The following TTC3 variants were observed in gnomAD, a reference collection of about 807,000 sequenced individuals.
The protein encoded by TTC3 is tetratricopeptide repeat domain 3.
Under a neutral mutation model 249.6 loss-of-function variants are expected in TTC3, and 180 were observed. That is an observed-to-expected ratio of 0.72 (90% CI 0.64 to 0.82). TTC3 has a LOEUF of 0.82. Among genes scored for constraint, TTC3 ranks in the 40% least tolerant of loss-of-function variants. The pLI is 0.00. For synonymous variants in TTC3, 717 were observed against 805.0 expected (o/e 0.89, Z 1.85); for missense variants, 2,061 against 2,398.4 (o/e 0.86, Z 2.94).
At chr21:37,108,288 G>T in intron 10 of TTC3, 104 bp from the exon 11 acceptor site, 1 of 802,850 alleles carries the variant, frequency 1.2e-6, no homozygotes, top group South Asian at 2.6e-5. Context: ...ATTATCTTTT[G>T]ACTAGATAAT....
intron 11 of TTC3, among the ~76,000 whole-genome samples, chr21:37,110,542 A>G (rs2075562449): frequency 6.6e-6 from 1 of 152,244 alleles, no homozygotes; most frequent in Admixed American, 6.5e-5. Flanking sequence ...AGCCTCCAAG[A>G]AATATGGGAC....
At chr21:37,144,777 C>CT in intron 21 of TTC3, 132 bp downstream of exon 21, 1 of 1,104,136 alleles carries the variant, frequency 9.1e-7, no homozygotes, top group South Asian at 1.8e-5. Flanking sequence ...CCTCTACTGT[C>CT]TAATGAGAAT....
At chr21:37,109,470 C>G (rs544333337) in intron 11 of TTC3, among the ~76,000 whole-genome samples, 15 of 152,216 alleles carry the variant, frequency 9.9e-5, no homozygotes, top group Non-Finnish European at 1.9e-4. Flanking sequence ...ATTGCTAGCA[C>G]AGCAGTCTGA....
chr21:37,149,561 T>C (rs1305261246), intron 23 of TTC3, among the ~76,000 whole-genome samples: 1 of 152,214 alleles, frequency 6.6e-6, no homozygotes, highest in East Asian at 1.9e-4. Flanking sequence ...ATTAGTCAGC[T>C]TTCCCTAGGA....
exon 28 of TTC3, chr21:37,156,711 G>T: frequency 6.2e-7 from 1 of 1,613,902 alleles, no homozygotes; most frequent in East Asian, 2.2e-5. Flanking sequence ...TAAACTGCTT[G>T]ATTTTAGTAT....
At chr21:37,106,391 A>G (rs549844524) in intron 10 of TTC3, among the ~76,000 whole-genome samples, 37 of 152,348 alleles carry the variant, frequency 2.4e-4, no homozygotes, top group African/African-American at 7.7e-4. Context: ...TTCACAAACA[A>G]GTTACTAATT....
rs61078384 is a variant in TTC3, at chr21:37,099,890, C to A, written c.845+3247C>A. On this transcript the variant is annotated intron_variant, in intron 10 of 45. Coordinates refer to ENST00000355666, the Ensembl canonical transcript of TTC3. ...AAATGAAAACGACCTAAATGGCCAT[C>A]AATAGGGGAATGGATAAATATGGTA... 6.5e-3 allele frequency among the ~76,000 whole-genome samples: 985 copies of A among 152,152 alleles called. 12 individuals are homozygous for A. The highest frequency in any genetic ancestry group is 0.022 in the African/African-American group (921 of 41,482).
exon 33 of TTC3, chr21:37,166,290 A>G (rs1428154979): frequency 2.5e-6 from 4 of 1,614,098 alleles, no homozygotes; most frequent in Admixed American, 1.7e-5. Flanking sequence ...TCTCCTGAAT[A>G]TCAGCTACCA....
chr21:37,090,647 A>G (rs1465693520), intron 6 of TTC3: 1 of 534,478 alleles, frequency 1.9e-6, no homozygotes, highest in African/African-American at 2.1e-5. Flanking sequence ...ATGTTAAACC[A>G]ATTTTTAATG....
At position 37,150,053 on chromosome 21, in the gene TTC3, GTTTTTT is replaced by G. The variant is rs35491163; in HGVS notation, c.2119-16_2119-11del. The G allele has an allele frequency of 6.1e-6, 8 of 1,319,276 alleles. No homozygotes were observed. In the East Asian group the frequency reaches 2.0e-4, roughly 34 times the overall value. The allele number at this position is 1,319,276 out of a possible 1,614,324, so 81.7% of individuals were successfully genotyped here. A position where few individuals can be genotyped will look rare whatever the true frequency, so the allele number is the denominator to read the frequency against. ...CCCCCCTAGACATAACATTTTTCTTGTTTTTTTTTTTTTTAATCAAATAGGATTTTC... is the reference window on the plus strand; with the variant it reads ...CCCCCCTAGACATAACATTTTTCTTGTTTTTTTTAATCAAATAGGATTTTC... On this transcript the variant is annotated intron_variant, in intron 23 of 45. Transcript: ENST00000355666.
intron 28 of TTC3, among the ~76,000 whole-genome samples, chr21:37,157,737 G>A (rs1323958786): frequency 6.6e-6 from 1 of 152,160 alleles, no homozygotes; most frequent in African/African-American, 2.4e-5. Flanking sequence ...TAACTAGCTA[G>A]CTAGCAGCTA....
intron 16 of TTC3, among the ~76,000 whole-genome samples, chr21:37,131,477 C>T (rs1033405180): frequency 2.0e-5 from 3 of 152,170 alleles, no homozygotes; most frequent in Admixed American, 6.5e-5. Context: ...AAGCTCCTCG[C>T]GCCCCCCAAC....
intron 6 of TTC3, among the ~76,000 whole-genome samples, chr21:37,090,785 C>T (rs1329168028): frequency 6.6e-6 from 1 of 152,182 alleles, no homozygotes; most frequent in African/African-American, 2.4e-5. Context: ...GAGATCACTG[C>T]ACTGAGTGCC....
chr21:37,118,652 G>C (rs1479752645), intron 11 of TTC3, among the ~76,000 whole-genome samples: 1 of 152,162 alleles, frequency 6.6e-6, no homozygotes, highest in African/African-American at 2.4e-5. Context: ...CTAGGGGTTA[G>C]CTTCAGGAAT....
chr21:37,196,602 A>C (rs1328573171), intron 42 of TTC3, among the ~76,000 whole-genome samples: 1 of 152,214 alleles, frequency 6.6e-6, no homozygotes, highest in Non-Finnish European at 1.5e-5. Flanking sequence ...TATTCATCAG[A>C]ACCCATGACA....
chr21:37,118,862 T>A (rs2076367344), intron 11 of TTC3, among the ~76,000 whole-genome samples: 1 of 152,226 alleles, frequency 6.6e-6, no homozygotes, highest in Non-Finnish European at 1.5e-5. Flanking sequence ...CTTTTCATCT[T>A]AAATGCTATA....
intron 44 of TTC3, among the ~76,000 whole-genome samples, chr21:37,198,849 CA>C (rs202233255): frequency 3.8e-5 from 4 of 106,194 alleles, no homozygotes; most frequent in Admixed American, 2.0e-4. Context: ...GGTTGTTTTC[CA>C]TTTTTTTTTT....
rs762700119 is a variant in TTC3 at position 37,198,045 on chromosome 21, T to A, written c.5850+20T>A. ...AGGATTGTATGTATAACTGTATAGT[T>A]TTGTTTTTTAATGAAAAACAAGAAG... On this transcript the variant is annotated intron_variant, in intron 44 of 45. Coordinates refer to ENST00000355666, the Ensembl canonical transcript of TTC3. 8.4e-6 allele frequency: 13 copies of A among 1,547,958 alleles called. No homozygotes were observed. Among genetic ancestry groups the A allele is most frequent in the Non-Finnish European group, 1.0e-5 (12 of 1,147,024 alleles).
chr21:37,142,813 G>A (rs1019333804), intron 20 of TTC3, among the ~76,000 whole-genome samples: 1 of 152,176 alleles, frequency 6.6e-6, no homozygotes, highest in Admixed American at 6.5e-5. Context: ...AAAGAATAAA[G>A]CTGGAGGCAT....
Sources: gnomAD v4.1 joint callset for allele counts (sites outside exome capture counted in the v4.1 genomes callset) on GRCh38, gnomAD v4.1.1 for gene constraint, MANE v1.5 for transcripts, NCBI Gene and HGNC (gene_info 2026-07-23, HGNC 2026-07-21) for gene names.